Variants in NRF1 observed in about 807,000 individuals in gnomAD.
NRF1 encodes the protein nuclear respiratory factor 1.
In NRF1, 5 loss-of-function variants were observed where a neutral mutation model predicts 58.5. The observed-to-expected ratio is 0.09, with a 90% CI of 0.04 to 0.18. The LOEUF is 0.18. Among genes scored for constraint, NRF1 ranks in the 10% least tolerant of loss-of-function variants. NRF1 has a pLI of 1.00. For synonymous variants in NRF1, 224 were observed against 246.7 expected (o/e 0.91, Z 0.86); for missense variants, 288 against 657.7 (o/e 0.44, Z 6.15).
chr7:129,752,139 A>T (rs144930848), intron 10 of NRF1, among the ~76,000 whole-genome samples: 2 of 152,334 alleles, frequency 1.3e-5, no homozygotes, highest in Non-Finnish European at 2.9e-5. Context: ...TGTTGCAGAC[A>T]TGCATCAACT....
intron 10 of NRF1, among the ~76,000 whole-genome samples, chr7:129,743,568 T>G (rs951150208): frequency 6.6e-6 from 1 of 152,238 alleles, no homozygotes; most frequent in Admixed American, 6.5e-5. Context: ...ACAATACTAC[T>G]TCAAATTTAG....
chr7:129,754,594 AG>A (rs1274490554), intron 10 of NRF1, among the ~76,000 whole-genome samples: 1 of 151,892 alleles, frequency 6.6e-6, no homozygotes, highest in Non-Finnish European at 1.5e-5. Context: ...GCAGGTGCAA[AG>A]GAAGAATAAG....
Position 129,750,239 on chromosome 7 carries a change from G to A in NRF1, c.1349-4779G>A, listed in dbSNP as rs138738236. On this transcript the variant is annotated intron_variant, in intron 10 of 10. Transcript: ENST00000393232. ...AGAATACAAGCTTGGATTAACATGC[G>A]CCTCTAGATTAGGGCTAATCAGGGG... 7.8e-3 allele frequency among the ~76,000 whole-genome samples: 1,193 copies of A among 152,256 alleles called. 8 individuals carry two copies. Among genetic ancestry groups the A allele is most frequent in the Non-Finnish European group, 0.011 (750 of 68,022 alleles).
chr7:129,668,017 G>A (rs1250743396), intron 2 of NRF1, among the ~76,000 whole-genome samples: 1 of 152,076 alleles, frequency 6.6e-6, no homozygotes, highest in African/African-American at 2.4e-5. Context: ...CTCCTGCCTT[G>A]TCCTTCCAAA....
At chr7:129,654,143 C>T (rs573222484) in intron 1 of NRF1, among the ~76,000 whole-genome samples, 6 of 152,180 alleles carry the variant, frequency 3.9e-5, no homozygotes, top group Admixed American at 1.3e-4. Flanking sequence ...TTGGTGTTGG[C>T]AGTGTTTTGA....
At chr7:129,695,936 A>G (rs1303939503) in intron 5 of NRF1, among the ~76,000 whole-genome samples, 2 of 151,680 alleles carry the variant, frequency 1.3e-5, no homozygotes, top group African/African-American at 2.4e-5. Context: ...TAAAGTGCAA[A>G]GTTAGGCCGG....
chr7:129,705,935 G>A (rs916464007), intron 5 of NRF1, among the ~76,000 whole-genome samples: 4 of 148,008 alleles, frequency 2.7e-5, no homozygotes, highest in African/African-American at 9.7e-5. Flanking sequence ...AGCAAGATCC[G>A]AGAGTGAGAG....
At chr7:129,716,597 G>T (rs531276575) in intron 8 of NRF1, among the ~76,000 whole-genome samples, 1 of 152,104 alleles carries the variant, frequency 6.6e-6, no homozygotes, top group Non-Finnish European at 1.5e-5. Context: ...TGGGCCGGGC[G>T]TGGTGACTCA....
chr7:129,693,330 A>G (rs764607717), intron 5 of NRF1, among the ~76,000 whole-genome samples: 1 of 152,182 alleles, frequency 6.6e-6, no homozygotes, highest in Non-Finnish European at 1.5e-5. Flanking sequence ...TTTTATAAAT[A>G]TAAACCTAAA....
intron 3 of NRF1, among the ~76,000 whole-genome samples, chr7:129,673,716 C>CAAAA (rs542854064): frequency 1.5e-4 from 15 of 99,054 alleles, no homozygotes; most frequent in Admixed American, 2.5e-4. Flanking sequence ...GACTCCGTCT[C>CAAAA]AAAAAAAAAA....
intron 1 of NRF1, among the ~76,000 whole-genome samples, chr7:129,628,406 A>G (rs902439742): frequency 6.6e-6 from 1 of 152,118 alleles, no homozygotes; most frequent in African/African-American, 2.4e-5. Context: ...ATACTATATT[A>G]GAAATTAAAA....
At chr7:129,746,610 C>T (rs553591053) in intron 10 of NRF1, among the ~76,000 whole-genome samples, 2 of 152,234 alleles carry the variant, frequency 1.3e-5, no homozygotes, top group African/African-American at 4.8e-5. Context: ...CTATAGATAC[C>T]GTTGCTGGCT....
At chr7:129,717,525 C>T (rs1487542701) in intron 9 of NRF1, 149 bp downstream of exon 9, 5 of 822,682 alleles carry the variant, frequency 6.1e-6, no homozygotes, top group Non-Finnish European at 9.1e-6. Flanking sequence ...TGTAGTTTGG[C>T]CTATAATAGG....
chr7:129,650,647 T>G (rs1277713061), intron 1 of NRF1, among the ~76,000 whole-genome samples: 1 of 152,160 alleles, frequency 6.6e-6, no homozygotes, highest in South Asian at 2.1e-4. Flanking sequence ...CAGGCACTTA[T>G]TGCTGGGCAC....
At chr7:129,696,122 T>G (rs1366064382) in intron 5 of NRF1, among the ~76,000 whole-genome samples, 1 of 146,304 alleles carries the variant, frequency 6.8e-6, no homozygotes, top group African/African-American at 2.6e-5. Context: ...TACATGCCTG[T>G]AATCCCAGCT....
chr7:129,714,631 C>T (rs935447174), intron 8 of NRF1, among the ~76,000 whole-genome samples: 7 of 152,118 alleles, frequency 4.6e-5, no homozygotes, highest in African/African-American at 1.7e-4. Flanking sequence ...AATTTTGCAG[C>T]TCTAGGATAT....
At chr7:129,628,299 G>A (rs1388730033) in intron 1 of NRF1, among the ~76,000 whole-genome samples, 4 of 150,746 alleles carry the variant, frequency 2.7e-5, no homozygotes, top group Admixed American at 1.3e-4. Flanking sequence ...CCGTCTCGGT[G>A]GTTCTTAATC....
chr7:129,754,261 G>A (rs1406312437), intron 10 of NRF1, among the ~76,000 whole-genome samples: 3 of 150,488 alleles, frequency 2.0e-5, no homozygotes, highest in Non-Finnish European at 4.4e-5. Context: ...ACGAGTTCAA[G>A]ACCAGCCTGG....
intron 8 of NRF1, among the ~76,000 whole-genome samples, chr7:129,715,275 G>A (rs1031071765): frequency 6.6e-6 from 1 of 152,152 alleles, no homozygotes; most frequent in Non-Finnish European, 1.5e-5. Context: ...TACAAGCCGG[G>A]ATGCTGCTAA....
Sources: allele counts gnomAD v4.1 joint callset (sites outside exome capture counted in the v4.1 genomes callset), GRCh38; gene constraint gnomAD v4.1.1; transcripts MANE v1.5; gene names NCBI Gene and HGNC (gene_info 2026-07-23, HGNC 2026-07-21).